Variants in MID1 observed in about 807,000 individuals in gnomAD.
MID1 encodes the protein E3 ubiquitin-protein ligase Midline-1.
MID1 carries 7 observed loss-of-function variants against 40.4 expected under a neutral mutation model. The ratio of observed to expected loss-of-function variants is 0.17; its 90% CI spans 0.10 to 0.33. The LOEUF (loss-of-function observed/expected upper bound fraction) is 0.33, where lower values mean the gene tolerates loss of function less well. MID1 is among the 10% of genes least tolerant of loss of function. The pLI is 1.00. For missense variants in MID1, 367 were observed against 558.5 expected, an observed-to-expected ratio of 0.66 and a Z score of 3.46; for synonymous variants, 229 against 221.2, an observed-to-expected ratio of 1.04 and a Z score of -0.31.
chrX:10,661,789 C>T (rs939026956), intron 1 of MID1, among the ~76,000 whole-genome samples: 6 of 111,736 alleles, frequency 5.4e-5, no homozygotes, highest in African/African-American at 2.0e-4. Flanking sequence ...CATCTGGAGT[C>T]AAAGGAATTT....
intron 1 of MID1, among the ~76,000 whole-genome samples, chrX:10,822,548 C>T (rs1057437968): frequency 3.6e-5 from 4 of 111,836 alleles, no homozygotes; most frequent in Non-Finnish European, 5.6e-5. Context: ...AGTGAATAGA[C>T]AGCCTACAGA....
chrX:10,471,495 T>TCTA (rs769350256), intron 6 of MID1, among the ~76,000 whole-genome samples: 1 of 112,177 alleles, frequency 8.9e-6, no homozygotes, highest in Non-Finnish European at 1.9e-5. Context: ...ACAGAAGGGT[T>TCTA]CTACATAACC....
chrX:10,766,286 T>C (rs1327205968), intron 1 of MID1, among the ~76,000 whole-genome samples: 1 of 111,840 alleles, frequency 8.9e-6, no homozygotes, highest in Non-Finnish European at 1.9e-5. Flanking sequence ...GTAGAGGATA[T>C]GTAGGGGACT....
chrX:10,544,375 G>A (rs763219201), intron 2 of MID1, among the ~76,000 whole-genome samples: 1 of 111,850 alleles, frequency 8.9e-6, no homozygotes, highest in South Asian at 3.7e-4. Flanking sequence ...AGTGATACTG[G>A]TTAGAACCAA....
chrX:10,547,572 C>CAAAAAA (rs1171938473), intron 2 of MID1, among the ~76,000 whole-genome samples: 1 of 14,604 alleles, frequency 6.8e-5, no homozygotes, highest in Non-Finnish European at 1.3e-4. Flanking sequence ...GACTCTGTCT[C>CAAAAAA]AAAAAAAAAA....
At position 10,590,636 on chromosome X, in the gene MID1, C is replaced by A. The variant is rs996978488; in HGVS notation, c.-56-23033G>T. Among the ~76,000 whole-genome samples the A allele has an allele frequency of 9.8e-5, 11 of 112,255 alleles. No individual in the cohort carries two copies. The Admixed American group carries it at 1.0e-3, about 11-fold the overall frequency. On this transcript the variant is annotated intron_variant, in intron 1 of 9. Transcript: ENST00000317552. ...AAAAAAAATGTACTCTATATAAGAA[C>A]AAATCCCATAAACGCTAGGAAGCTT...
intron 1 of MID1, among the ~76,000 whole-genome samples, chrX:10,657,706 C>T (rs371118591): frequency 8.9e-6 from 1 of 112,319 alleles, no homozygotes; most frequent in African/African-American, 3.2e-5. Flanking sequence ...CATTATTTTA[C>T]AGATTTTTAT....
rs1311558573 is a variant in MID1 at position 10,445,616 on chromosome X, G to C, written c.*3752C>G. ...GAAAGGAACAGCAATCAAGACAATA[G>C]TCAGGGCCGAGGGCTTGGCAGTGTG... On this transcript the variant is annotated 3_prime_UTR_variant, in exon 10 of 10. Coordinates refer to ENST00000317552, the MANE Select transcript of MID1 (RefSeq NM_000381.4). 2 of 111,665 alleles carry C rather than the reference G, an allele frequency of 1.8e-5. No homozygotes were observed. Among genetic ancestry groups the C allele is most frequent in the African/African-American group, 6.5e-5 (2 of 30,664 alleles). 9.2% of individuals were successfully genotyped at this position (111,665 alleles called of 1,213,427 possible). A position where few individuals can be genotyped will look rare whatever the true frequency, so the allele number is the denominator to read the frequency against.
At chrX:10,489,734 C>T (rs1308714349) in intron 4 of MID1, among the ~76,000 whole-genome samples, 3 of 100,697 alleles carry the variant, frequency 3.0e-5, no homozygotes, top group Admixed American at 1.1e-4. Context: ...CTCTCTCTGT[C>T]GCCCGGGCCG....
chrX:10,473,825 T>A (rs1401129974), intron 6 of MID1, among the ~76,000 whole-genome samples: 1 of 112,311 alleles, frequency 8.9e-6, no homozygotes, highest in Non-Finnish European at 1.9e-5. Context: ...TATTCTCAGT[T>A]CCTACTTTAG....
chrX:10,477,221 C>T (rs1349558945), intron 5 of MID1, among the ~76,000 whole-genome samples: 6 of 112,981 alleles, frequency 5.3e-5, no homozygotes, highest in Non-Finnish European at 1.1e-4. Flanking sequence ...TCCCTGCCCA[C>T]TGGCAGAAAC....
intron 4 of MID1, among the ~76,000 whole-genome samples, chrX:10,483,038 T>C (rs1168507957): frequency 8.9e-6 from 1 of 112,285 alleles, no homozygotes; most frequent in Admixed American, 9.4e-5. Context: ...TCTTTATAGG[T>C]GGTGAATCTA....
At chrX:10,697,975 G>A (rs2043171634) in intron 1 of MID1, among the ~76,000 whole-genome samples, 1 of 112,697 alleles carries the variant, frequency 8.9e-6, no homozygotes, top group Non-Finnish European at 1.9e-5. Flanking sequence ...AACCACTGAT[G>A]TAACCCCTTG....
chrX:10,727,969 T>C (rs1344425863), intron 1 of MID1, among the ~76,000 whole-genome samples: 2 of 112,144 alleles, frequency 1.8e-5, no homozygotes, highest in African/African-American at 6.5e-5. Flanking sequence ...AGTTGACTTG[T>C]TCAAACTTGA....
chrX:10,603,180 C>T (rs1935564420), intron 1 of MID1, among the ~76,000 whole-genome samples: 1 of 112,232 alleles, frequency 8.9e-6, no homozygotes, highest in African/African-American at 3.2e-5. Flanking sequence ...CATCTTAGAA[C>T]CGCTTTTCTC....
At chrX:10,684,590 T>C (rs535523423) in intron 1 of MID1, among the ~76,000 whole-genome samples, 4 of 108,227 alleles carry the variant, frequency 3.7e-5, no homozygotes, top group Admixed American at 1.0e-4. Flanking sequence ...GTATTTTTTT[T>C]AGTAGAGATG....
intron 1 of MID1, among the ~76,000 whole-genome samples, chrX:10,759,399 A>G (rs1218855728): frequency 2.7e-5 from 3 of 111,778 alleles, no homozygotes; most frequent in Non-Finnish European, 5.6e-5. Flanking sequence ...AGTTGGAAAG[A>G]GGATCACATA....
At chrX:10,542,780 C>T (rs192288050) in intron 2 of MID1, among the ~76,000 whole-genome samples, 2 of 111,378 alleles carry the variant, frequency 1.8e-5, no homozygotes, top group East Asian at 2.8e-4. Context: ...GCAGGAGTAA[C>T]GGAACATTAC....
chrX:10,495,851 A>G (rs1480782681), intron 3 of MID1, among the ~76,000 whole-genome samples, 160 bp from the exon 4 acceptor site: 3 of 112,545 alleles, frequency 2.7e-5, no homozygotes, highest in African/African-American at 6.5e-5. Flanking sequence ...TAGGACTTAC[A>G]TGGCCACTTC....
Sources: allele counts gnomAD v4.1 joint callset (sites outside exome capture counted in the v4.1 genomes callset), GRCh38; gene constraint gnomAD v4.1.1; transcripts MANE v1.5; gene names NCBI Gene and HGNC (gene_info 2026-07-23, HGNC 2026-07-21).